TARM1: variants seen among roughly 807,000 people sequenced by gnomAD.
The protein encoded by TARM1 is T cell-interacting, activating receptor on myeloid cells 1.
In TARM1, 24 loss-of-function variants were observed where a neutral mutation model predicts 30.4. That is an observed-to-expected ratio of 0.79 (90% CI 0.57 to 1.11). The LOEUF (loss-of-function observed/expected upper bound fraction) is 1.11. TARM1 is among the 50% of genes least tolerant of loss of function. TARM1 has a pLI of 0.00. For synonymous variants in TARM1, 129 were observed against 138.9 expected (o/e 0.93, Z 0.50); for missense variants, 323 against 332.8 (o/e 0.97, Z 0.23).
At chr19:54,075,773 A>G (rs2071935261) in intron 2 of TARM1, 110 bp downstream of exon 2, 2 of 1,282,010 alleles carry the variant, frequency 1.6e-6, no homozygotes, top group Non-Finnish European at 2.2e-6. Context: ...AGCCTGGCGA[A>G]AGAGTGAGAC....
chr19:54,080,110 AG>A (rs1568511642), intron 1 of TARM1, among the ~76,000 whole-genome samples: 2 of 27,442 alleles, frequency 7.3e-5, no homozygotes, highest in East Asian at 2.3e-3. Context: ...GAAGGAAGGA[AG>A]GAAGGAAGGA....
intron 1 of TARM1, among the ~76,000 whole-genome samples, chr19:54,079,655 C>T (rs2072046715): frequency 6.6e-6 from 1 of 151,566 alleles, no homozygotes; most frequent in South Asian, 2.1e-4. Flanking sequence ...AGTTTGAGAC[C>T]AGCCTGAGTA....
intron 1 of TARM1, chr19:54,076,221 T>C: frequency 3.3e-6 from 5 of 1,501,860 alleles, no homozygotes; most frequent in Non-Finnish European, 4.4e-6. Context: ...TTCTTACCAT[T>C]TCTTTCTTTC....
chr19:54,077,400 A>C (rs189464185), intron 1 of TARM1, among the ~76,000 whole-genome samples: 2 of 152,160 alleles, frequency 1.3e-5, no homozygotes, highest in Admixed American at 1.3e-4. Flanking sequence ...AAAAAAGAGA[A>C]AGAAAAGAAA....
At position 54,070,047 on chromosome 19, in the gene TARM1, G is replaced by A. The variant is rs77768804; in HGVS notation, c.772C>T (p.Arg258Trp). 0.059 allele frequency: 91,817 copies of A among 1,551,436 alleles called. 3,187 individuals are homozygous for A. Among genetic ancestry groups the A allele is most frequent in the Admixed American group, 0.13 (6,412 of 50,946 alleles). The change falls in exon 5 of 5, where the codon CGG becomes TGG. Residue 258 changes from arginine (R) to tryptophan (W), a missense_variant. By Grantham distance (101) the Arg-to-Trp change is moderately radical. Coordinates refer to ENST00000432826, the MANE Select transcript of TARM1 (RefSeq NM_001135686.3). ...TCTGATTCACCTGGAGACACATTCC[G>A]GCTGTACCAGGCCTCCACCAGGAAA... Reference protein sequence around the residue: ...GAFLVEAWYSRNVSPGESEAF... With the variant: ...GAFLVEAWYSWNVSPGESEAF...
chr19:54,080,920 C>T (rs1000152323), intron 1 of TARM1, among the ~76,000 whole-genome samples: 2 of 151,574 alleles, frequency 1.3e-5, no homozygotes, highest in African/African-American at 2.4e-5. Flanking sequence ...TGTGGTGAGC[C>T]GAGATCACGC....
intron 3 of TARM1, 56 bp from the exon 4 acceptor site, chr19:54,074,272 AC>A (rs1568503700): frequency 1.4e-6 from 2 of 1,475,546 alleles, no homozygotes; most frequent in Non-Finnish European, 1.8e-6. Flanking sequence ...TCCCCCACTC[AC>A]CCCTGTTCTC....
Position 54,074,868 on chromosome 19 carries a change from T to TG in TARM1, c.316dup (p.His106ProfsTer8), listed in dbSNP as rs773860043. ...GACGTCACTGTGCTGTGAAAGGATG[T>TG]GGGGGGATGCTTTTCTGTAGTATTC... On this transcript the variant is annotated frameshift_variant, in exon 3 of 5. Coordinates refer to ENST00000432826, the MANE Select transcript of TARM1 (RefSeq NM_001135686.3). 16 of 1,551,592 alleles carry TG rather than the reference T, an allele frequency of 1.0e-5. No homozygotes were observed. The South Asian group carries it at 1.5e-4, about 15-fold the overall frequency.
chr19:54,080,474 A>AAGAG (rs763596805), intron 1 of TARM1, among the ~76,000 whole-genome samples: 1 of 123,914 alleles, frequency 8.1e-6, no homozygotes, highest in African/African-American at 3.0e-5. Flanking sequence ...AAAAAAAAGA[A>AAGAG]AGAGAGAGAG....
At chr19:54,079,433 A>C (rs2146225244) in intron 1 of TARM1, among the ~76,000 whole-genome samples, 1 of 152,286 alleles carries the variant, frequency 6.6e-6, no homozygotes, top group South Asian at 2.1e-4. Context: ...TATCTGGTTA[A>C]ACATTATTTC....
chr19:54,080,510 GGAAGGA>G (rs2072101944), intron 1 of TARM1, among the ~76,000 whole-genome samples: 4 of 121,358 alleles, frequency 3.3e-5, no homozygotes, highest in Admixed American at 8.0e-5. Context: ...AAGGAAGGAA[GGAAGGA>G]AGGAAGGAAG....
rs1261918460 is a variant in TARM1, at chr19:54,070,045, C to T, written c.774G>A (p.Arg258=). Residue 258 remains arginine, a synonymous_variant, in exon 5 of 5, where the codon CGG becomes CGA. Coordinates refer to ENST00000432826, the MANE Select transcript of TARM1 (RefSeq NM_001135686.3). ...GAFLVEAWYS[R]NVSPGESEAF... ...CCTCTGATTCACCTGGAGACACATT[C>T]CGGCTGTACCAGGCCTCCACCAGGA... is the stretch of plus-strand genomic sequence containing the variant. 6.4e-7 allele frequency: 1 copy of T among 1,551,594 alleles called. No individual in the cohort carries two copies. Among genetic ancestry groups the T allele is most frequent in the Non-Finnish European group, 8.7e-7 (1 of 1,146,958 alleles).
intron 1 of TARM1, among the ~76,000 whole-genome samples, chr19:54,077,295 G>T (rs1228552259): frequency 1.3e-5 from 2 of 151,674 alleles, no homozygotes; most frequent in African/African-American, 2.4e-5. Context: ...GCAGAGAATC[G>T]CTTGAACCCA....
At chr19:54,077,441 TATC>T (rs2146219579) in intron 1 of TARM1, among the ~76,000 whole-genome samples, 1 of 152,180 alleles carries the variant, frequency 6.6e-6, no homozygotes, top group African/African-American at 2.4e-5. Context: ...TTATGAACAT[TATC>T]ATAATAATGA....
At position 54,075,005 on chromosome 19, in the gene TARM1, G is replaced by A; in HGVS notation, c.180C>T (p.Leu60=). The A allele has an allele frequency of 2.6e-6, 4 of 1,551,416 alleles. No homozygotes were observed. Among genetic ancestry groups the A allele is most frequent in the Non-Finnish European group, 3.5e-6 (4 of 1,146,950 alleles). Residue 60 remains leucine, a synonymous_variant, in exon 3 of 5, where the codon CTC becomes CTT. Transcript: ENST00000432826. The part of the protein sequence containing the change: ...WTPARGVSFV[L]RKGGIILESP... ...ACTCCAGAATAATTCCTCCCTTCCT[G>A]AGAACAAAGCTCACACCTCTGGCAG...
chr19:54,078,355 TTTG>T (rs1325748836), intron 1 of TARM1, among the ~76,000 whole-genome samples: 3 of 151,500 alleles, frequency 2.0e-5, no homozygotes, highest in Admixed American at 6.6e-5. Context: ...CCAGCTCATT[TTTG>T]TTGTTGTTGT....
chr19:54,078,540 G>A (rs1283917512), intron 1 of TARM1, among the ~76,000 whole-genome samples: 1 of 151,870 alleles, frequency 6.6e-6, no homozygotes, highest in Non-Finnish European at 1.5e-5. Context: ...CACCACGCAT[G>A]GCTAATTTTT....
chr19:54,075,018 A>AC lies in TARM1; in HGVS notation c.166dup (p.Val56GlyfsTer19). The AC allele has an allele frequency of 6.4e-7, 1 of 1,550,694 alleles. No homozygotes were observed. The highest frequency in any genetic ancestry group is 8.7e-7 in the Non-Finnish European group (1 of 1,146,306). ...TCCTCCCTTCCTGAGAACAAAGCTCACACCTCTGGCAGGAGTCCAACATCG... is the reference window on the plus strand; with the variant it reads ...TCCTCCCTTCCTGAGAACAAAGCTCACCACCTCTGGCAGGAGTCCAACATCG... On this transcript the variant is annotated frameshift_variant, in exon 3 of 5. Coordinates refer to ENST00000432826, the MANE Select transcript of TARM1 (RefSeq NM_001135686.3).
rs2071942301 is a variant in TARM1 at position 54,076,030 on chromosome 19, G to A, written c.35-112C>T. On this transcript the variant is annotated intron_variant, in intron 1 of 4. Coordinates refer to ENST00000432826, the MANE Select transcript of TARM1 (RefSeq NM_001135686.3). ...TCCTGCTGAGAACAGACCCTTAGAG[G>A]TCATACGCTCAGGAGTTCTCATTCT... is the stretch of plus-strand genomic sequence containing the variant. 19 of 1,459,174 alleles carry A rather than the reference G, an allele frequency of 1.3e-5. No homozygotes were observed. In the Admixed American group the frequency reaches 4.0e-4, roughly 31 times the overall value. 90.4% of individuals were successfully genotyped at this position (1,459,174 alleles called of 1,614,324 possible).
Sources: allele counts gnomAD v4.1 joint callset (sites outside exome capture counted in the v4.1 genomes callset), GRCh38; gene constraint gnomAD v4.1.1; transcripts MANE v1.5; gene names NCBI Gene and HGNC (gene_info 2026-07-23, HGNC 2026-07-21).